GAS7: variants seen among roughly 807,000 people sequenced by gnomAD.
The protein encoded by GAS7 is growth arrest-specific protein 7.
GAS7 carries 28 observed loss-of-function variants against 71.1 expected under a neutral mutation model. The observed-to-expected ratio is 0.39, with a 90% CI of 0.29 to 0.54. GAS7 has a LOEUF of 0.54. GAS7 is among the 20% of genes least tolerant of loss of function. The pLI is 0.62. For synonymous variants in GAS7, 258 were observed against 245.8 expected (o/e 1.05, Z -0.46); for missense variants, 436 against 627.8 (o/e 0.69, Z 3.27).
intron 1 of GAS7, among the ~76,000 whole-genome samples, chr17:10,083,352 C>A (rs12941547): frequency 0.49 from 74,184 of 151,954 alleles, 18,578 homozygotes; most frequent in African/African-American, 0.55. Flanking sequence ...CATGGTAAAA[C>A]CCTGTCTCTA....
At chr17:10,047,537 A>G (rs2072996490) in intron 1 of GAS7, among the ~76,000 whole-genome samples, 1 of 152,234 alleles carries the variant, frequency 6.6e-6, no homozygotes, top group Admixed American at 6.5e-5. Context: ...AATATGCAAA[A>G]GCAGGGTGAG....
chr17:10,171,947 C>T (rs2074337877), intron 1 of GAS7, among the ~76,000 whole-genome samples: 1 of 152,150 alleles, frequency 6.6e-6, no homozygotes, highest in African/African-American at 2.4e-5. Flanking sequence ...CAGGAGCAAG[C>T]ACAAAAATAA....
At chr17:10,005,168 C>G (rs1407359096) in intron 2 of GAS7, among the ~76,000 whole-genome samples, 1 of 93,330 alleles carries the variant, frequency 1.1e-5, no homozygotes, top group African/African-American at 9.5e-5. Flanking sequence ...TGTGTGCGCA[C>G]GCATGCATGT....
chr17:9,915,527 C>A lies in GAS7; in HGVS notation c.*1701G>T, dbSNP rs1439354110. ...CTTTTTGGTTGCAATGTTTCAAGAA[C>A]AAGAGAAAAGTGACAACGTTTGGTT... On this transcript the variant is annotated 3_prime_UTR_variant, in exon 14 of 14. Transcript: ENST00000432992. 3 of 227,420 alleles carry A rather than the reference C, an allele frequency of 1.3e-5. No individual in the cohort carries two copies. Among genetic ancestry groups the A allele is most frequent in the East Asian group, 6.3e-5 (1 of 15,820 alleles). 14.1% of individuals were successfully genotyped at this position (227,420 alleles called of 1,614,324 possible). A position where few individuals can be genotyped will look rare whatever the true frequency, so the allele number is the denominator to read the frequency against.
intron 1 of GAS7, among the ~76,000 whole-genome samples, chr17:10,038,646 G>A (rs2072803978): frequency 6.6e-6 from 1 of 151,632 alleles, no homozygotes; most frequent in African/African-American, 2.4e-5. Context: ...AATGCAAGTC[G>A]TAGTAAAATA....
chr17:10,126,419 C>T (rs1001574031), intron 1 of GAS7, among the ~76,000 whole-genome samples: 3 of 151,078 alleles, frequency 2.0e-5, no homozygotes, highest in Non-Finnish European at 3.0e-5. Context: ...CAAACACGCA[C>T]ACACAAACAC....
At chr17:10,074,505 T>G (rs78656622) in intron 1 of GAS7, among the ~76,000 whole-genome samples, 4,147 of 152,252 alleles carry the variant, frequency 0.027, 196 homozygotes, top group African/African-American at 0.094. Flanking sequence ...AAGATGCTAT[T>G]TTCCCCCAAG....
intron 1 of GAS7, among the ~76,000 whole-genome samples, chr17:10,055,208 T>C (rs2073119954): frequency 6.6e-6 from 1 of 152,252 alleles, no homozygotes; most frequent in Non-Finnish European, 1.5e-5. Context: ...GAGATGCCCA[T>C]GGGTAGCAAG....
intron 1 of GAS7, among the ~76,000 whole-genome samples, chr17:10,120,447 C>T (rs1318136704): frequency 1.3e-5 from 2 of 152,160 alleles, no homozygotes; most frequent in African/African-American, 4.8e-5. Flanking sequence ...AGTAGAAGGT[C>T]TGTTCTCAAA....
chr17:10,181,036 G>A (rs8068982), intron 1 of GAS7, among the ~76,000 whole-genome samples: 89,114 of 141,426 alleles, frequency 0.63, 28,716 homozygotes, highest in East Asian at 0.77. Context: ...CTAGAATAAG[G>A]ATGAGGGTGG....
Position 9,981,880 on chromosome 17 carries a change from G to A in GAS7, c.309C>T (p.Thr103=). 1 of 1,573,776 alleles carries A rather than the reference G, an allele frequency of 6.4e-7. No individual in the cohort carries two copies. Among genetic ancestry groups the A allele is most frequent in the Non-Finnish European group, 8.7e-7 (1 of 1,143,350 alleles). Residue 103 remains threonine, a synonymous_variant, in exon 3 of 14, where the codon ACC becomes ACT. Transcript: ENST00000432992. The surrounding 1 kb of genome is among the most constrained non-coding windows in gnomAD (Gnocchi z 4.4). ...RYYVNTTTNE[T]TWERPSSSPG... ...GAGAACTGCTGGGACGTTCCCAGGT[G>A]GTCTCTGGTGAAAGAAGAGCAAAGA...
At chr17:9,928,224 T>C (rs1456992144) in intron 9 of GAS7, among the ~76,000 whole-genome samples, 1 of 151,786 alleles carries the variant, frequency 6.6e-6, no homozygotes, top group Non-Finnish European at 1.5e-5. Context: ...GCCATTCTCC[T>C]GTCTCAGCCT....
chr17:9,944,803 G>A (rs146189353), intron 6 of GAS7, among the ~76,000 whole-genome samples: 1 of 152,294 alleles, frequency 6.6e-6, no homozygotes, highest in African/African-American at 2.4e-5. Context: ...TGAAAAAGCA[G>A]AAGGAAAATT....
At chr17:10,146,740 T>C (rs2074123867) in intron 1 of GAS7, among the ~76,000 whole-genome samples, 1 of 151,862 alleles carries the variant, frequency 6.6e-6, no homozygotes, top group African/African-American at 2.4e-5. Context: ...ATCCCAGCAC[T>C]TTGGGAGGCC....
chr17:10,181,157 C>T (rs570667999), intron 1 of GAS7, among the ~76,000 whole-genome samples: 13 of 146,734 alleles, frequency 8.9e-5, no homozygotes, highest in Non-Finnish European at 1.1e-4. Flanking sequence ...GTCAGGAGAT[C>T]GAGACCATCC....
At position 10,042,798 on chromosome 17, in the gene GAS7, A is replaced by G. The variant is rs1454255592; in HGVS notation, c.184-22901T>C. On this transcript the variant is annotated intron_variant, in intron 1 of 13. Coordinates refer to ENST00000432992, the MANE Select transcript of GAS7 (RefSeq NM_201433.2). ...GCTTGACTGGAGCCCGAGGAACATG[A>G]TGTACGAAGCAGAATAAGGTTTGAT... Among the ~76,000 whole-genome samples the G allele has an allele frequency of 2.6e-5, 4 of 152,210 alleles. No individual in the cohort carries two copies. The East Asian group carries it at 7.7e-4, about 29-fold the overall frequency.
intron 1 of GAS7, among the ~76,000 whole-genome samples, chr17:10,142,862 T>C (rs558335829): frequency 1.3e-5 from 2 of 152,220 alleles, no homozygotes; most frequent in South Asian, 4.1e-4. Flanking sequence ...AGGGAGTGTG[T>C]CATGAACTTG....
chr17:10,133,122 AT>A (rs199964206), intron 1 of GAS7, among the ~76,000 whole-genome samples: 7,194 of 118,852 alleles, frequency 0.061, 409 homozygotes, highest in South Asian at 0.2. Context: ...ATATTTTTAT[AT>A]TTTTTTTTTT....
At chr17:9,939,048 G>C (rs1450628345) in intron 8 of GAS7, among the ~76,000 whole-genome samples, 1 of 152,186 alleles carries the variant, frequency 6.6e-6, no homozygotes, top group East Asian at 1.9e-4. Context: ...TCCCTGGGTG[G>C]AATGTGGGTT....
Sources: allele counts gnomAD v4.1 joint callset (sites outside exome capture counted in the v4.1 genomes callset), GRCh38; gene constraint gnomAD v4.1.1; non-coding constraint Gnocchi (gnomAD v3.1); transcripts MANE v1.5; gene names NCBI Gene and HGNC (gene_info 2026-07-23, HGNC 2026-07-21).